Variants in MRAP observed in about 807,000 individuals in gnomAD.
MRAP encodes melanocortin 2 receptor accessory protein.
In MRAP, 8 loss-of-function variants were observed where a neutral mutation model predicts 8.7. That is an observed-to-expected ratio of 0.92 (90% CI 0.54 to 1.66). The LOEUF (loss-of-function observed/expected upper bound fraction) is 1.66, where lower values mean the gene tolerates loss of function less well. MRAP is among the 40% of genes most tolerant of loss of function. MRAP has a pLI of 0.00. For missense variants in MRAP, 237 were observed against 217.1 expected, an observed-to-expected ratio of 1.09 and a Z score of -0.58; for synonymous variants, 95 against 95.5, an observed-to-expected ratio of 1.00 and a Z score of 0.03.
At chr21:32,295,309 C>G (rs934687185), upstream of MRAP, among the ~76,000 whole-genome samples, 1 of 152,156 alleles carries the variant, frequency 6.6e-6, no homozygotes, top group Non-Finnish European at 1.5e-5. Context: ...TGTCTTTGGG[C>G]TTTATATGTG....
chr21:32,303,856 T>C (rs1192218613), intron 1 of MRAP, among the ~76,000 whole-genome samples: 1 of 152,022 alleles, frequency 6.6e-6, no homozygotes, highest in Non-Finnish European at 1.5e-5. Context: ...CAACAGAACA[T>C]GATGAAGGAG....
downstream of MRAP, chr21:32,312,361 AC>A: frequency 1.7e-6 from 2 of 1,167,976 alleles, no homozygotes; most frequent in East Asian, 1.1e-4. Context: ...CCCTGAGTTC[AC>A]CTGGTCCTTC....
exon 1 of MRAP, chr21:32,291,837 G>C (rs966222533): frequency 1.3e-5 from 2 of 152,128 alleles, no homozygotes; most frequent in African/African-American, 4.8e-5. Context: ...CTATGCAGGT[G>C]TGTGGGCTGG....
At chr21:32,308,326 G>A (rs1169620333) in intron 2 of MRAP, among the ~76,000 whole-genome samples, 3 of 151,940 alleles carry the variant, frequency 2.0e-5, no homozygotes, top group East Asian at 1.9e-4. Flanking sequence ...GCAGTGAACC[G>A]AGATTGCACC....
chr21:32,299,554 C>T (rs2032210421), intron 1 of MRAP, among the ~76,000 whole-genome samples: 1 of 152,140 alleles, frequency 6.6e-6, no homozygotes. Flanking sequence ...TGGTCTGGAA[C>T]TCCTGGCCTC....
intron 1 of MRAP, among the ~76,000 whole-genome samples, chr21:32,305,104 G>T (rs1050076547): frequency 6.6e-6 from 1 of 151,672 alleles, no homozygotes; most frequent in African/African-American, 2.4e-5. Context: ...TCATGAAGGG[G>T]TAGGACTATG....
upstream of MRAP, among the ~76,000 whole-genome samples, chr21:32,295,494 T>C (rs1461872228): frequency 1.3e-5 from 2 of 152,212 alleles, no homozygotes; most frequent in Non-Finnish European, 2.9e-5. Flanking sequence ...GCGCCGCCTG[T>C]GACCAATTAT....
chr21:32,311,407 CA>C, intron 2 of MRAP: 2 of 336,206 alleles, frequency 5.9e-6, no homozygotes, highest in Non-Finnish European at 1.1e-5. Context: ...TGCTCCCCTC[CA>C]CCCCCCACCC....
chr21:32,314,716 G>A, downstream of MRAP: 2 of 1,532,476 alleles, frequency 1.3e-6, no homozygotes, highest in South Asian at 2.2e-5. Flanking sequence ...CTGATGCTGG[G>A]CACCTACAGG....
intron 1 of MRAP, among the ~76,000 whole-genome samples, chr21:32,300,199 C>G (rs1008513864): frequency 7.9e-5 from 12 of 152,146 alleles, no homozygotes; most frequent in African/African-American, 2.9e-4. Flanking sequence ...CCAGCCTGGG[C>G]AACACAGTGA....
chr21:32,307,538 C>T (rs2032449688), intron 2 of MRAP, among the ~76,000 whole-genome samples: 1 of 148,358 alleles, frequency 6.7e-6, no homozygotes, highest in Non-Finnish European at 1.5e-5. Context: ...GACTGTGCCA[C>T]TACACTCCAG....
Position 32,311,852 on chromosome 21 carries a change from G to C in MRAP, c.375G>C (p.Gln125His). 2 of 1,614,110 alleles carry C rather than the reference G, an allele frequency of 1.2e-6. No homozygotes were observed. Among genetic ancestry groups the C allele is most frequent in the Non-Finnish European group, 1.7e-6 (2 of 1,180,030 alleles). ...SRTGPDQPLR[Q>H]ESSSTLPLGG... is the part of the protein sequence containing the mutation. Reference sequence around the variant, plus strand: ...CTGGCCCTGACCAGCCGCTACGACAGGAGAGCTCCTCCACCTTGCCCCTCG... The same window carrying C: ...CTGGCCCTGACCAGCCGCTACGACACGAGAGCTCCTCCACCTTGCCCCTCG... The change falls in exon 3 of 3, where the codon CAG becomes CAC. Residue 125 changes from glutamine (Q) to histidine (H), a missense_variant. By Grantham distance (24) the Gln-to-His change is conservative. Transcript: ENST00000303645.
At chr21:32,310,000 C>CTG (rs1170153807) in intron 2 of MRAP, among the ~76,000 whole-genome samples, 2 of 152,100 alleles carry the variant, frequency 1.3e-5, no homozygotes, top group Non-Finnish European at 2.9e-5. Flanking sequence ...ATACCCAAGA[C>CTG]ACATCTGAGG....
At position 32,298,978 on chromosome 21, in the gene MRAP, A is replaced by T. The variant is rs371723409; in HGVS notation, c.7A>T (p.Asn3Tyr). 1 of 1,613,846 alleles carries T rather than the reference A, an allele frequency of 6.2e-7. No homozygotes were observed. Among genetic ancestry groups the T allele is most frequent in the Non-Finnish European group, 8.5e-7 (1 of 1,179,738 alleles). Residue 3 changes from asparagine to tyrosine, a missense_variant, in exon 1 of 3, where the codon AAC becomes TAC. Physicochemically the swap from Asn to Tyr is moderately radical, Grantham distance 143. Transcript: ENST00000303645. MANGTNASAPYYS... is the reference protein window; with the variant it reads MAYGTNASAPYYS... ...ACTGCCCAGTGCCACAGACATGGCC[A>T]ACGGGACCAACGCCTCTGCCCCATA...
At chr21:32,301,969 A>C (rs774132566) in intron 1 of MRAP, among the ~76,000 whole-genome samples, 5 of 152,276 alleles carry the variant, frequency 3.3e-5, no homozygotes, top group Admixed American at 6.5e-5. Context: ...CAGAGCAATC[A>C]TATTCAGGGC....
Position 32,311,883 on chromosome 21 carries a change from T to A in MRAP, c.406T>A (p.Phe136Ile). Residue 136 changes from phenylalanine (F) to isoleucine (I), a missense_variant, in exon 3 of 3, where the codon TTC becomes ATC. By Grantham distance (21) the Phe-to-Ile change is conservative (BLOSUM62 0). Coordinates refer to ENST00000303645, the MANE Select transcript of MRAP (RefSeq NM_001379228.1). ...ESSSTLPLGG[F>I]QTHPTLLWEL... ...CTCCTCCACCTTGCCCCTCGGGGGT[T>A]TCCAGACCCACCCCACTCTCCTCTG... is the stretch of plus-strand genomic sequence containing the variant. The A allele has an allele frequency of 3.1e-6, 5 of 1,613,976 alleles. No homozygotes were observed. Among genetic ancestry groups the A allele is most frequent in the Middle Eastern group, 1.7e-4 (1 of 6,060 alleles).
At chr21:32,310,436 T>C (rs2032531997) in intron 2 of MRAP, among the ~76,000 whole-genome samples, 1 of 152,122 alleles carries the variant, frequency 6.6e-6, no homozygotes, top group Non-Finnish European at 1.5e-5. Context: ...TTGGTACTCT[T>C]CATTTGTGCC....
intron 2 of MRAP, 69 bp from the exon 3 acceptor site, chr21:32,311,615 C>T (rs921127527): frequency 4.4e-5 from 68 of 1,561,444 alleles, no homozygotes; most frequent in Non-Finnish European, 5.8e-5. Flanking sequence ...CAGGAAACCC[C>T]CCAGCCCCAC....
chr21:32,311,134 A>C lies in MRAP; in HGVS notation c.207-550A>C, dbSNP rs147201000. 6.6e-4 allele frequency: 101 copies of C among 153,906 alleles called. 1 individual carries two copies. Among genetic ancestry groups the C allele is most frequent in the African/African-American group, 2.4e-3 (100 of 41,580 alleles). 9.5% of individuals were successfully genotyped at this position (153,906 alleles called of 1,614,324 possible). ...GCCACATCTTACATGACACAGGCAA[A>C]AGGGCATGTGCAGGGAAACTCCCCT... On this transcript the variant is annotated intron_variant, in intron 2 of 2. Coordinates refer to ENST00000303645, the MANE Select transcript of MRAP (RefSeq NM_001379228.1).
Sources: allele counts gnomAD v4.1 joint callset (sites outside exome capture counted in the v4.1 genomes callset), GRCh38; gene constraint gnomAD v4.1.1; transcripts MANE v1.5; gene names NCBI Gene and HGNC (gene_info 2026-07-23, HGNC 2026-07-21).